MYH15: variants seen among roughly 807,000 people sequenced by gnomAD.
The protein encoded by MYH15 is myosin-15.
Under a neutral mutation model 240.5 loss-of-function variants are expected in MYH15, and 227 were observed. That is an observed-to-expected ratio of 0.94 (90% CI 0.85 to 1.05). The LOEUF (loss-of-function observed/expected upper bound fraction) is 1.05, where lower values mean the gene tolerates loss of function less well. Among genes scored for constraint, MYH15 ranks in the 50% least tolerant of loss-of-function variants. The pLI, the probability that MYH15 is intolerant of heterozygous loss-of-function variation, is 0.00. For synonymous variants in MYH15, 785 were observed against 796.7 expected, an observed-to-expected ratio of 0.99 and a Z score of 0.25; for missense variants, 2,217 against 2,247.5, an observed-to-expected ratio of 0.99 and a Z score of 0.27.
At chr3:108,494,575 C>A (rs897314557) in intron 7 of MYH15, among the ~76,000 whole-genome samples, 4 of 152,098 alleles carry the variant, frequency 2.6e-5, no homozygotes, top group Admixed American at 6.5e-5. Flanking sequence ...CTCATTGCAG[C>A]CTCAAACACC....
Position 108,498,125 on chromosome 3 carries a change from T to C in MYH15, c.545A>G (p.Lys182Arg), listed in dbSNP as rs1182942294. ...GATAATATGTTTGCTGTTCACAGTC[T>C]TTCCAGCACCAGATTCTCCTCTGTG... Reference protein sequence around the residue: ...ILFTGESGAGKTVNSKHIIQY... With the variant: ...ILFTGESGAGRTVNSKHIIQY... The change falls in exon 6 of 41, where the codon AAG becomes AGG. Residue 182 changes from lysine to arginine, a missense_variant. Transcript: ENST00000693548. 1 of 1,613,958 alleles carries C rather than the reference T, an allele frequency of 6.2e-7. No individual in the cohort carries two copies. Among genetic ancestry groups the C allele is most frequent in the Non-Finnish European group, 8.5e-7 (1 of 1,179,940 alleles).
Position 108,478,647 on chromosome 3 carries a change from G to A in MYH15, c.1115-2132C>T, listed in dbSNP as rs550054985. Among the ~76,000 whole-genome samples the A allele has an allele frequency of 2.7e-5, 4 of 150,798 alleles. No homozygotes were observed. The South Asian group carries it at 8.4e-4, about 32-fold the overall frequency. ...GTGGAGATGAACAGTAACCAACAAT[G>A]TGAAAAACAATTTTCCAGTATCTGT... On this transcript the variant is annotated intron_variant, in intron 11 of 40. Coordinates refer to ENST00000693548, the MANE Select transcript of MYH15 (RefSeq NM_014981.3).
chr3:108,396,177 C>T (rs1266085302), intron 35 of MYH15, among the ~76,000 whole-genome samples: 1 of 152,206 alleles, frequency 6.6e-6, no homozygotes, highest in Non-Finnish European at 1.5e-5. Context: ...CCTCATCTCT[C>T]TCTAGGCTAG....
intron 27 of MYH15, among the ~76,000 whole-genome samples, chr3:108,427,617 A>ACAACAC (rs1553766056): frequency 2.4e-5 from 3 of 122,976 alleles, no homozygotes; most frequent in African/African-American, 5.9e-5. Context: ...ACACACACAC[A>ACAACAC]ACACACACAC....
chr3:108,522,004 T>C (rs1214860652), intron 1 of MYH15, among the ~76,000 whole-genome samples: 1 of 152,132 alleles, frequency 6.6e-6, no homozygotes, highest in African/African-American at 2.4e-5. Flanking sequence ...ATTCAAGATG[T>C]TCAGTTGTGG....
In MYH15 at chr3:108,492,286, C is replaced by A. The variant is rs571188466; in HGVS notation, c.871+214G>T. On this transcript the variant is annotated intron_variant, in intron 9 of 40. Transcript: ENST00000693548. ...CAAATACTCTGCTTCTTTTTGCTAC[C>A]AAATTGAAAAAGAAGTGTTGCTATT... Among the ~76,000 whole-genome samples the A allele has an allele frequency of 3.3e-5, 5 of 151,772 alleles. No individual in the cohort carries two copies. In the South Asian group the frequency reaches 1.0e-3, roughly 32 times the overall value.
At chr3:108,429,446 C>T (rs191323734) in intron 26 of MYH15, among the ~76,000 whole-genome samples, 2 of 152,026 alleles carry the variant, frequency 1.3e-5, no homozygotes, top group East Asian at 1.9e-4. Flanking sequence ...AAATAACAAA[C>T]GAGAGCTGGT....
chr3:108,390,027 G>A (rs1341438265), intron 37 of MYH15, among the ~76,000 whole-genome samples: 1 of 152,094 alleles, frequency 6.6e-6, no homozygotes, highest in Non-Finnish European at 1.5e-5. Flanking sequence ...ACTTCCTTGT[G>A]GATAAAGCCC....
At chr3:108,523,073 A>G (rs764553293) in intron 1 of MYH15, among the ~76,000 whole-genome samples, 3 of 152,104 alleles carry the variant, frequency 2.0e-5, no homozygotes, top group Non-Finnish European at 2.9e-5. Flanking sequence ...ACTTGTTACA[A>G]TGTAAGATCA....
chr3:108,414,405 G>GT lies in MYH15; in HGVS notation c.3971_3972insA (p.Leu1325ProfsTer7). 1 of 1,613,980 alleles carries GT rather than the reference G, an allele frequency of 6.2e-7. No homozygotes were observed. Among genetic ancestry groups the GT allele is most frequent in the Non-Finnish European group, 8.5e-7 (1 of 1,179,986 alleles). On this transcript the variant is annotated frameshift_variant, in exon 30 of 41. Coordinates refer to ENST00000693548, the MANE Select transcript of MYH15 (RefSeq NM_014981.3). LOFTEE classifies it high-confidence loss of function. ...CACAGTCACGCTGAGCCTTCTGCAG[G>GT]GCATGGGCCAGGGCACTCTGGGACT...
chr3:108,399,307 T>A (rs1357038162), intron 33 of MYH15, 40 bp from the exon 34 acceptor site: 2 of 1,487,520 alleles, frequency 1.3e-6, no homozygotes, highest in Non-Finnish European at 1.9e-6. Context: ...AAATGACACA[T>A]CCAAATTAAT....
At chr3:108,512,305 A>G (rs899548468), upstream of MYH15, among the ~76,000 whole-genome samples, 7 of 152,196 alleles carry the variant, frequency 4.6e-5, no homozygotes, top group Non-Finnish European at 8.8e-5. Context: ...ATGGTAGGAA[A>G]CATCATCAAC....
chr3:108,385,631 A>T (rs1361936061), intron 38 of MYH15, among the ~76,000 whole-genome samples: 1 of 152,200 alleles, frequency 6.6e-6, no homozygotes, highest in Non-Finnish European at 1.5e-5. Flanking sequence ...TACTTTTCAA[A>T]GGAAGAAAAT....
intron 18 of MYH15, among the ~76,000 whole-genome samples, chr3:108,458,148 T>C (rs1355366500): frequency 6.6e-6 from 1 of 152,214 alleles, no homozygotes; most frequent in Non-Finnish European, 1.5e-5. Context: ...TGAATAACTG[T>C]TTTGATTAGA....
intron 7 of MYH15, among the ~76,000 whole-genome samples, chr3:108,493,810 C>T (rs756076340): frequency 1.3e-4 from 20 of 152,128 alleles, no homozygotes; most frequent in African/African-American, 3.4e-4. Context: ...ATGTAGAACA[C>T]GGGAAAGGGT....
chr3:108,499,698 C>T (rs1256991152), intron 4 of MYH15, among the ~76,000 whole-genome samples: 1 of 152,128 alleles, frequency 6.6e-6, no homozygotes, highest in African/African-American at 2.4e-5. Context: ...CATATAAAGG[C>T]CTACTTCTTT....
At chr3:108,449,503 A>G (rs2082954961) in intron 21 of MYH15, among the ~76,000 whole-genome samples, 1 of 152,106 alleles carries the variant, frequency 6.6e-6, no homozygotes, top group African/African-American at 2.4e-5. Flanking sequence ...AGTCTTTTCA[A>G]TAAATGGGGT....
intron 21 of MYH15, among the ~76,000 whole-genome samples, chr3:108,452,176 T>G (rs1018533556): frequency 1.3e-5 from 2 of 152,120 alleles, no homozygotes; most frequent in African/African-American, 4.8e-5. Context: ...AGAAAGCAAT[T>G]TGGCAACATC....
intron 28 of MYH15, among the ~76,000 whole-genome samples, chr3:108,417,318 C>T (rs1300435200): frequency 6.6e-6 from 1 of 152,080 alleles, no homozygotes; most frequent in Non-Finnish European, 1.5e-5. Context: ...ATGACTGAAA[C>T]AGAAACATAC....
Sources: allele counts gnomAD v4.1 joint callset (sites outside exome capture counted in the v4.1 genomes callset), GRCh38; gene constraint gnomAD v4.1.1; transcripts MANE v1.5; gene names NCBI Gene and HGNC (gene_info 2026-07-23, HGNC 2026-07-21).